Variants in C9orf40 observed in about 807,000 individuals in gnomAD.
C9orf40 encodes the protein uncharacterized protein C9orf40.
A neutral mutation model predicts 7.9 loss-of-function variants in C9orf40; 2 were observed. The observed-to-expected ratio is 0.25, with a 90% CI of 0.10 to 0.80. The LOEUF (loss-of-function observed/expected upper bound fraction) is 0.80, where lower values mean the gene tolerates loss of function less well. Ranked by LOEUF, C9orf40 falls within the 30% of genes least tolerant of loss-of-function variation. C9orf40 has a pLI of 0.68. For synonymous variants in C9orf40, 113 were observed against 117.6 expected (o/e 0.96, Z 0.25); for missense variants, 256 against 268.5 (o/e 0.95, Z 0.33).
At chr9:74,951,805 G>T (rs1832302680) in intron 1 of C9orf40, among the ~76,000 whole-genome samples, 1 of 152,198 alleles carries the variant, frequency 6.6e-6, no homozygotes, top group Admixed American at 6.5e-5. Flanking sequence ...AACCCAGGAA[G>T]GCCCTCTACA....
rs1832315124 is a variant in C9orf40, at chr9:74,952,495, C to T, written c.117G>A (p.Gly39=). Residue 39 remains glycine, a synonymous_variant, in exon 1 of 2, where the codon GGG becomes GGA. Transcript: ENST00000376854. This position sits in a 1 kb window ranked among gnomAD's most constrained non-coding sequence, Gnocchi z 5.4. ...CGAGGAGCTGCCCAGCATGCGCGAC[C>T]CCGGGCGGCCGGATCCAGAGAGGCG... The part of the protein sequence containing the change: ...PPPPLWIRPP[G]VAHAGQLLGV... The T allele has an allele frequency of 1.9e-6, 3 of 1,595,138 alleles. No homozygotes were observed. The East Asian group carries it at 6.7e-5, about 36-fold the overall frequency.
chr9:74,947,924 C>T lies in C9orf40; in HGVS notation c.*124G>A, dbSNP rs908003591. 9.5e-6 allele frequency: 9 copies of T among 943,336 alleles called. No individual in the cohort carries two copies. The highest frequency in any genetic ancestry group is 1.4e-5 in the Non-Finnish European group (9 of 625,632). 58.4% of individuals were successfully genotyped at this position (943,336 alleles called of 1,614,324 possible). ...GGTATTTAATGTCAGAACAATCTTT[C>T]TTCATTTCTCAGGTTTGGAAATATA... On this transcript the variant is annotated 3_prime_UTR_variant, in exon 2 of 2. Transcript: ENST00000376854.
In C9orf40 at chr9:74,952,163, G is replaced by GGGCCCCC; in HGVS notation, c.426+22_426+23insGGGGGCC. On this transcript the variant is annotated intron_variant, in intron 1 of 1. Transcript: ENST00000376854. The surrounding 1 kb of genome is among the most constrained non-coding windows in gnomAD (Gnocchi z 5.4). ...AAAAGGCAAGCCCCTTCGCCCCTCA[G>GGGCCCCC]CCCACCCGCCCCCAGCCCCTACCTG... The GGGCCCCC allele has an allele frequency of 2.8e-6, 1 of 351,744 alleles. No individual in the cohort carries two copies. The highest frequency in any genetic ancestry group is 4.7e-6 in the Non-Finnish European group (1 of 211,700). 21.8% of individuals were successfully genotyped at this position (351,744 alleles called of 1,614,324 possible). A position where few individuals can be genotyped will look rare whatever the true frequency, so the allele number is the denominator to read the frequency against.
In C9orf40 at chr9:74,952,643, C is replaced by A; in HGVS notation, c.-32G>T. On this transcript the variant is annotated 5_prime_UTR_variant, in exon 1 of 2. Transcript: ENST00000376854. This position sits in a 1 kb window ranked among gnomAD's most constrained non-coding sequence, Gnocchi z 5.4. ...AGAGGCTCGGGCGGAGCCCGCCAGG[C>A]GCGGGAGACCGAGTGCCGATAGCTG... 1 of 1,512,442 alleles carries A rather than the reference C, an allele frequency of 6.6e-7. No homozygotes were observed. Among genetic ancestry groups the A allele is most frequent in the Non-Finnish European group, 8.8e-7 (1 of 1,137,842 alleles). The allele number at this position is 1,512,442 out of a possible 1,614,324, so 93.7% of individuals were successfully genotyped here. A position where few individuals can be genotyped will look rare whatever the true frequency, so the allele number is the denominator to read the frequency against.
chr9:74,952,220 G>T lies in C9orf40; in HGVS notation c.392C>A (p.Pro131His), dbSNP rs1211800689. 1 of 1,213,554 alleles carries T rather than the reference G, an allele frequency of 8.2e-7. No individual in the cohort carries two copies. The highest frequency in any genetic ancestry group is 1.0e-6 in the Non-Finnish European group (1 of 967,222). The allele number at this position is 1,213,554 out of a possible 1,614,324, so 75.2% of individuals were successfully genotyped here. A position where few individuals can be genotyped will look rare whatever the true frequency, so the allele number is the denominator to read the frequency against. The change falls in exon 1 of 2, where the codon CCC becomes CAC. Residue 131 changes from proline (P) to histidine (H), a missense_variant. Pro to His is a moderately conservative substitution (Grantham distance 77). Transcript: ENST00000376854. This position sits in a 1 kb window ranked among gnomAD's most constrained non-coding sequence, Gnocchi z 5.4. ...TGCGACCCCCCAGTCTCCCCGCGGGGGTCCTGCGCGCCCCGCCCCGTCGTC... is the reference window on the plus strand; with the variant it reads ...TGCGACCCCCCAGTCTCCCCGCGGGTGTCCTGCGCGCCCCGCCCCGTCGTC... Reference protein sequence around the residue: ...GGDDGAGRAGPPRGDWGVASR... With the variant: ...GGDDGAGRAGHPRGDWGVASR...
In C9orf40 at chr9:74,947,290, C is replaced by T. The variant is rs909071135; in HGVS notation, c.*758G>A. 11 of 152,604 alleles carry T rather than the reference C, an allele frequency of 7.2e-5. No individual in the cohort carries two copies. Among genetic ancestry groups the T allele is most frequent in the Admixed American group, 2.6e-4 (4 of 15,272 alleles). 9.5% of individuals were successfully genotyped at this position (152,604 alleles called of 1,614,324 possible). A position where few individuals can be genotyped will look rare whatever the true frequency, so the allele number is the denominator to read the frequency against. ...AAAGTGCTGTCAGTGTTGAAAACTACAGGTCTAAAGTAATAAGGAATAAAA... is the reference window on the plus strand; with the variant it reads ...AAAGTGCTGTCAGTGTTGAAAACTATAGGTCTAAAGTAATAAGGAATAAAA... On this transcript the variant is annotated 3_prime_UTR_variant, in exon 2 of 2. Coordinates refer to ENST00000376854, the MANE Select transcript of C9orf40 (RefSeq NM_017998.3).
Position 74,952,371 on chromosome 9 carries a change from C to A in C9orf40, c.241G>T (p.Ala81Ser). 1 of 1,562,924 alleles carries A rather than the reference C, an allele frequency of 6.4e-7. No homozygotes were observed. The highest frequency in any genetic ancestry group is 2.4e-5 in the East Asian group (1 of 41,140). The part of the protein sequence containing the change: ...SKRRDSGDNS[A>S]PSGQEREDHG... Reference sequence around the variant, plus strand: ...TCCTCACGCTCCTGGCCGCTCGGGGCGCTGTTGTCCCCGCTGTCACGGCGC... The same window carrying A: ...TCCTCACGCTCCTGGCCGCTCGGGGAGCTGTTGTCCCCGCTGTCACGGCGC... The change falls in exon 1 of 2, where the codon GCC becomes TCC. Residue 81 changes from alanine to serine, a missense_variant. Coordinates refer to ENST00000376854, the MANE Select transcript of C9orf40 (RefSeq NM_017998.3). The surrounding 1 kb of genome is among the most constrained non-coding windows in gnomAD (Gnocchi z 5.4).
At position 74,952,402 on chromosome 9, in the gene C9orf40, G is replaced by A; in HGVS notation, c.210C>T (p.Pro70=). The A allele has an allele frequency of 1.3e-6, 2 of 1,583,914 alleles. No individual in the cohort carries two copies. The highest frequency in any genetic ancestry group is 1.7e-6 in the Non-Finnish European group (2 of 1,172,172). Residue 70 remains proline (P), a synonymous_variant, in exon 1 of 2, where the codon CCC becomes CCT. Transcript: ENST00000376854. The surrounding 1 kb of genome is among the most constrained non-coding windows in gnomAD (Gnocchi z 5.4). ...TGTCCCCGCTGTCACGGCGCTTGCT[G>A]GGCGAAGCCGAGGGCTCTGCCATGG... ...AGTMAEPSAS[P]SKRRDSGDNS... is the part of the protein sequence containing the mutation.
At position 74,952,093 on chromosome 9, in the gene C9orf40, T is replaced by C; in HGVS notation, c.426+93A>G. ...TTCAACCCCCTCAGGCGTCTTAACCTACACAAGTCATGAGTGGGAACCGGG... is the reference window on the plus strand; with the variant it reads ...TTCAACCCCCTCAGGCGTCTTAACCCACACAAGTCATGAGTGGGAACCGGG... On this transcript the variant is annotated intron_variant, in intron 1 of 1. Transcript: ENST00000376854. The surrounding 1 kb of genome is among the most constrained non-coding windows in gnomAD (Gnocchi z 5.4). 1 of 476,222 alleles carries C rather than the reference T, an allele frequency of 2.1e-6. No individual in the cohort carries two copies. Among genetic ancestry groups the C allele is most frequent in the East Asian group, 3.4e-5 (1 of 29,072 alleles). 29.5% of individuals were successfully genotyped at this position (476,222 alleles called of 1,614,324 possible).
In C9orf40 at chr9:74,951,660, G is replaced by A. The variant is rs192633803; in HGVS notation, c.426+526C>T. Among the ~76,000 whole-genome samples the A allele has an allele frequency of 2.4e-4, 37 of 152,316 alleles. No individual in the cohort carries two copies. The East Asian group carries it at 6.8e-3, about 28-fold the overall frequency. On this transcript the variant is annotated intron_variant, in intron 1 of 1. Coordinates refer to ENST00000376854, the MANE Select transcript of C9orf40 (RefSeq NM_017998.3). ...ACACTATGAGTTAAAACAAAGCTTT[G>A]ACCAAGGTACGGTGGTCCATCCTTT... is the stretch of plus-strand genomic sequence containing the variant.
rs1221126897 is a variant in C9orf40, at chr9:74,946,666, C to T, written c.*1382G>A. 1 of 152,056 alleles carries T rather than the reference C, an allele frequency of 6.6e-6. No homozygotes were observed. The highest frequency in any genetic ancestry group is 1.5e-5 in the Non-Finnish European group (1 of 67,984). 9.4% of individuals were successfully genotyped at this position (152,056 alleles called of 1,614,324 possible). A position where few individuals can be genotyped will look rare whatever the true frequency, so the allele number is the denominator to read the frequency against. On this transcript the variant is annotated 3_prime_UTR_variant, in exon 2 of 2. Coordinates refer to ENST00000376854, the MANE Select transcript of C9orf40 (RefSeq NM_017998.3). The stretch of plus-strand genomic sequence containing the variant: ...ATGAAAAATAACTGGCTTAAAGATA[C>T]ATAGGTAGGAAGTGGCAGTACAAGA...
chr9:74,952,818 G>C lies in C9orf40; in HGVS notation c.-207C>G. On this transcript the variant is annotated 5_prime_UTR_variant, in exon 1 of 2. Coordinates refer to ENST00000376854, the MANE Select transcript of C9orf40 (RefSeq NM_017998.3). This position sits in a 1 kb window ranked among gnomAD's most constrained non-coding sequence, Gnocchi z 5.4. ...GGCTCGGAGGCAGCTCCCGCGCTCA[G>C]CCCTCGCCGCCGCCGAGATGCGGCC... The C allele has an allele frequency of 2.0e-6, 1 of 500,970 alleles. No homozygotes were observed. The highest frequency in any genetic ancestry group is 2.0e-5 in the African/African-American group (1 of 49,212). The allele number at this position is 500,970 out of a possible 1,614,324, so 31.0% of individuals were successfully genotyped here.
At chr9:74,950,232 G>C (rs559316286) in intron 1 of C9orf40, among the ~76,000 whole-genome samples, 2 of 152,364 alleles carry the variant, frequency 1.3e-5, no homozygotes, top group African/African-American at 2.4e-5. Context: ...AGAGCTGCCA[G>C]ATCTAGTTAC....
rs1478976930 is a variant in C9orf40, at chr9:74,947,469, A to G, written c.*579T>C. 6.6e-6 allele frequency: 1 copy of G among 152,620 alleles called. No homozygotes were observed. The highest frequency in any genetic ancestry group is 1.5e-5 in the Non-Finnish European group (1 of 68,034). 9.5% of individuals were successfully genotyped at this position (152,620 alleles called of 1,614,324 possible). Reference sequence around the variant, plus strand: ...CATAGTAGAGCTTAACCAACATCAAATATTGGAAGCTTTGCAAACACGCTA... The same window carrying G: ...CATAGTAGAGCTTAACCAACATCAAGTATTGGAAGCTTTGCAAACACGCTA... On this transcript the variant is annotated 3_prime_UTR_variant, in exon 2 of 2. Transcript: ENST00000376854.
In C9orf40 at chr9:74,948,195, T is replaced by G. The variant is rs2118674328; in HGVS notation, c.438A>C (p.Glu146Asp). ...ACTGGAAGGTATTATACTGCCAAAA[T>G]TCTTCATTGTGCTTTAGAGAAAAAA... ...WGVASRQHNE[E>D]FWQYNTFQYW... The change falls in exon 2 of 2, where the codon GAA becomes GAC. Residue 146 changes from glutamate (E) to aspartate (D), a missense_variant. Transcript: ENST00000376854. 6.2e-7 allele frequency: 1 copy of G among 1,607,562 alleles called. No homozygotes were observed. The highest frequency in any genetic ancestry group is 2.2e-5 in the East Asian group (1 of 44,582).
At position 74,947,036 on chromosome 9, in the gene C9orf40, C is replaced by T. The variant is rs544345282; in HGVS notation, c.*1012G>A. Reference sequence around the variant, plus strand: ...AATTCAGTTGTAACAAAGCCACCAACAGAGCAAAACAAAAACAAAGCTAAT... The same window carrying T: ...AATTCAGTTGTAACAAAGCCACCAATAGAGCAAAACAAAAACAAAGCTAAT... On this transcript the variant is annotated 3_prime_UTR_variant, in exon 2 of 2. Coordinates refer to ENST00000376854, the MANE Select transcript of C9orf40 (RefSeq NM_017998.3). 9.9e-5 allele frequency: 15 copies of T among 152,280 alleles called. No homozygotes were observed. In the East Asian group the frequency reaches 2.7e-3, roughly 27 times the overall value. 9.4% of individuals were successfully genotyped at this position (152,280 alleles called of 1,614,324 possible).
rs1452807573 is a variant in C9orf40 at position 74,952,812 on chromosome 9, C to T, written c.-201G>A. On this transcript the variant is annotated 5_prime_UTR_variant, in exon 1 of 2. Transcript: ENST00000376854. This position sits in a 1 kb window ranked among gnomAD's most constrained non-coding sequence, Gnocchi z 5.4. ...GGCTCCGGCTCGGAGGCAGCTCCCG[C>T]GCTCAGCCCTCGCCGCCGCCGAGAT... The T allele has an allele frequency of 2.0e-6, 1 of 510,834 alleles. No individual in the cohort carries two copies. Among genetic ancestry groups the T allele is most frequent in the Non-Finnish European group, 3.4e-6 (1 of 294,174 alleles). 31.6% of individuals were successfully genotyped at this position (510,834 alleles called of 1,614,324 possible). A position where few individuals can be genotyped will look rare whatever the true frequency, so the allele number is the denominator to read the frequency against.
In C9orf40 at chr9:74,952,134, G is replaced by T; in HGVS notation, c.426+52C>A. The T allele has an allele frequency of 6.3e-6, 4 of 632,620 alleles. No individual in the cohort carries two copies. The highest frequency in any genetic ancestry group is 6.6e-5 in the South Asian group (1 of 15,118). The allele number at this position is 632,620 out of a possible 1,614,324, so 39.2% of individuals were successfully genotyped here. A position where few individuals can be genotyped will look rare whatever the true frequency, so the allele number is the denominator to read the frequency against. The stretch of plus-strand genomic sequence containing the variant: ...GGGAACCGGGGCGTTTTGTGTGTGT[G>T]GGGAAAAGGCAAGCCCCTTCGCCCC... On this transcript the variant is annotated intron_variant, in intron 1 of 1. Coordinates refer to ENST00000376854, the MANE Select transcript of C9orf40 (RefSeq NM_017998.3). The surrounding 1 kb of genome is among the most constrained non-coding windows in gnomAD (Gnocchi z 5.4).
chr9:74,948,285 TAAAG>T, intron 1 of C9orf40, 79 bp from the exon 2 acceptor site: 1 of 977,962 alleles, frequency 1.0e-6, no homozygotes, highest in South Asian at 1.8e-5. Context: ...AAATTTGTTT[TAAAG>T]GCAAACTCAT....
Sources: gnomAD v4.1 joint callset for allele counts (sites outside exome capture counted in the v4.1 genomes callset) on GRCh38, gnomAD v4.1.1 for gene constraint, Gnocchi (gnomAD v3.1) non-coding constraint, MANE v1.5 for transcripts, NCBI Gene and HGNC (gene_info 2026-07-23, HGNC 2026-07-21) for gene names.